REPS1: variants seen among roughly 807,000 people sequenced by gnomAD.
REPS1 encodes RALBP1 associated Eps domain containing 1, also known as ralBP1-associated Eps domain-containing protein 1.
In REPS1, 39 loss-of-function variants were observed where a neutral mutation model predicts 100.9. That is an observed-to-expected ratio of 0.39 (90% CI 0.30 to 0.50). REPS1 has a LOEUF of 0.50. REPS1 is among the 20% of genes least tolerant of loss of function. REPS1 has a pLI of 0.86. For synonymous variants in REPS1, 324 were observed against 340.3 expected (o/e 0.95, Z 0.53); for missense variants, 821 against 968.5 (o/e 0.85, Z 2.02).
At position 138,987,365 on chromosome 6, in the gene REPS1, G is replaced by T. The variant is rs1582880955; in HGVS notation, c.153+165C>A. Among the ~76,000 whole-genome samples, 3 of 152,254 alleles carry T rather than the reference G, an allele frequency of 2.0e-5. No homozygotes were observed. In the South Asian group the frequency reaches 6.2e-4, roughly 32 times the overall value. Reference sequence around the variant, plus strand: ...GGGCAACCCCCTCCCCCTTGGCCGCGGCGCGAGTCCAGGCCTCCCGGGCAC... The same window carrying T: ...GGGCAACCCCCTCCCCCTTGGCCGCTGCGCGAGTCCAGGCCTCCCGGGCAC... On this transcript the variant is annotated intron_variant, in intron 1 of 19. Coordinates refer to ENST00000450536, the MANE Select transcript of REPS1 (RefSeq NM_001286611.2).
chr6:138,922,508 GGAT>G (rs147980938), intron 10 of REPS1, among the ~76,000 whole-genome samples: 120 of 152,292 alleles, frequency 7.9e-4, no homozygotes, highest in African/African-American at 2.8e-3. Context: ...ACAAAAGAAA[GGAT>G]GAGAGAATGA....
At chr6:138,962,054 T>G (rs1048989741) in intron 1 of REPS1, among the ~76,000 whole-genome samples, 5 of 152,182 alleles carry the variant, frequency 3.3e-5, no homozygotes, top group Admixed American at 6.5e-5. Flanking sequence ...CATTTTCAAG[T>G]GCTAGTGTGG....
intron 9 of REPS1, 137 bp downstream of exon 9, chr6:138,929,840 C>T: frequency 1.3e-6 from 1 of 799,306 alleles, no homozygotes; most frequent in Non-Finnish European, 1.9e-6. Context: ...TAATTACAAA[C>T]ATTTATCATA....
chr6:138,968,315 T>C (rs9373225), intron 1 of REPS1, among the ~76,000 whole-genome samples: 28,813 of 152,186 alleles, frequency 0.19, 2,911 homozygotes, highest in East Asian at 0.34. Flanking sequence ...GAAAAAGCTA[T>C]CATTTATTGA....
At chr6:138,984,416 T>C (rs1045964962) in intron 1 of REPS1, among the ~76,000 whole-genome samples, 4 of 152,124 alleles carry the variant, frequency 2.6e-5, no homozygotes, top group Non-Finnish European at 5.9e-5. Context: ...CCCACCACTA[T>C]AGTCCAGGTT....
At chr6:138,944,675 T>C in intron 4 of REPS1, 53 bp from the exon 5 acceptor site, 1 of 1,556,976 alleles carries the variant, frequency 6.4e-7, no homozygotes, top group Non-Finnish European at 8.7e-7. Flanking sequence ...AAAAAGTTAC[T>C]AGGAAGTTTT....
intron 4 of REPS1, 100 bp from the exon 5 acceptor site, chr6:138,944,722 C>A: frequency 8.7e-7 from 1 of 1,155,520 alleles, no homozygotes; most frequent in Non-Finnish European, 1.2e-6. Context: ...CTAACAATTT[C>A]CAAAATGGAA....
At chr6:138,969,310 G>A (rs950199902) in intron 1 of REPS1, among the ~76,000 whole-genome samples, 16 of 85,088 alleles carry the variant, frequency 1.9e-4, no homozygotes, top group South Asian at 4.6e-4. Context: ...GATAGCTCTC[G>A]CTCTGTCTCC....
intron 1 of REPS1, among the ~76,000 whole-genome samples, chr6:138,971,139 G>A (rs1246135998): frequency 6.6e-6 from 1 of 152,144 alleles, no homozygotes; most frequent in Non-Finnish European, 1.5e-5. Flanking sequence ...CAAAACTGTG[G>A]GTGGTAAACA....
intron 1 of REPS1, among the ~76,000 whole-genome samples, chr6:138,981,345 T>C (rs1582870011): frequency 6.6e-6 from 1 of 152,164 alleles, no homozygotes. Context: ...GTATACAGTT[T>C]AACTTCCATT....
At position 138,903,766 on chromosome 6, in the gene REPS1, A is replaced by C. The variant is rs7769274; in HGVS notation, c.*1298T>G. 6.6e-6 allele frequency: 1 copy of C among 152,064 alleles called. No homozygotes were observed. The highest frequency in any genetic ancestry group is 2.4e-5 in the African/African-American group (1 of 41,386). 9.4% of individuals were successfully genotyped at this position (152,064 alleles called of 1,614,324 possible). On this transcript the variant is annotated 3_prime_UTR_variant, in exon 20 of 20. Transcript: ENST00000450536. ...ATTTAACAACTAAAGCCATACTGAA[A>C]GCCACTTGGAAACTTCAGCTGATGT... is the stretch of plus-strand genomic sequence containing the variant.
intron 10 of REPS1, among the ~76,000 whole-genome samples, chr6:138,923,915 G>A (rs1780938649): frequency 6.7e-6 from 1 of 149,336 alleles, no homozygotes; most frequent in Non-Finnish European, 1.5e-5. Flanking sequence ...TAGAAGAGTA[G>A]AGTTTTTCCC....
In REPS1 at chr6:138,915,926, G is replaced by C. The variant is rs779531968; in HGVS notation, c.1652C>G (p.Pro551Arg). Residue 551 changes from proline to arginine, a missense_variant, in exon 14 of 20, where the codon CCA becomes CGA. Coordinates refer to ENST00000450536, the MANE Select transcript of REPS1 (RefSeq NM_001286611.2). ...PDNTAPPPPP[P>R]RPQPSHSRSS... ...TCTAGAATGAGAGGGCTGTGGCCTT[G>C]GAGGGGGAGGTGGTGGTGCAGTGTT... is the stretch of plus-strand genomic sequence containing the variant. 7 of 1,614,064 alleles carry C rather than the reference G, an allele frequency of 4.3e-6. No homozygotes were observed. The Admixed American group carries it at 1.0e-4, about 23-fold the overall frequency.
intron 17 of REPS1, among the ~76,000 whole-genome samples, chr6:138,910,725 C>CA (rs1190199002): frequency 2.0e-5 from 3 of 152,104 alleles, no homozygotes; most frequent in Non-Finnish European, 4.4e-5. Flanking sequence ...CTAACACAGA[C>CA]ATAAAACATA....
At chr6:138,966,207 A>C (rs1784013039) in intron 1 of REPS1, among the ~76,000 whole-genome samples, 1 of 152,184 alleles carries the variant, frequency 6.6e-6, no homozygotes, top group South Asian at 2.1e-4. Context: ...GGAGCTCTCA[A>C]GTATCTCAAG....
At chr6:138,983,421 C>T (rs1001966408) in intron 1 of REPS1, among the ~76,000 whole-genome samples, 1 of 152,074 alleles carries the variant, frequency 6.6e-6, no homozygotes, top group African/African-American at 2.4e-5. Flanking sequence ...CACCACTGCA[C>T]TCCAGCCTGG....
intron 16 of REPS1, 39 bp from the exon 17 acceptor site, chr6:138,911,410 A>C: frequency 8.0e-7 from 1 of 1,251,330 alleles, no homozygotes; most frequent in South Asian, 1.2e-5. Flanking sequence ...ATTCTACATA[A>C]CATGTAATTA....
At chr6:138,923,108 A>G (rs943429534) in intron 10 of REPS1, among the ~76,000 whole-genome samples, 16 of 152,366 alleles carry the variant, frequency 1.1e-4, no homozygotes, top group African/African-American at 3.6e-4. Context: ...TAATATTAAC[A>G]TTATAGATGG....
intron 1 of REPS1, among the ~76,000 whole-genome samples, chr6:138,954,299 T>C (rs1783234879): frequency 6.6e-6 from 1 of 151,952 alleles, no homozygotes; most frequent in Non-Finnish European, 1.5e-5. Context: ...TAGTTTCACA[T>C]AGCTAGGGGA....
Sources: gnomAD v4.1 joint callset for allele counts (sites outside exome capture counted in the v4.1 genomes callset) on GRCh38, gnomAD v4.1.1 for gene constraint, MANE v1.5 for transcripts, NCBI Gene and HGNC (gene_info 2026-07-23, HGNC 2026-07-21) for gene names.